KIF27: variants seen among roughly 807,000 people sequenced by gnomAD.
The protein encoded by KIF27 is kinesin-like protein KIF27.
In KIF27, 84 loss-of-function variants were observed where a neutral mutation model predicts 141.8. That is an observed-to-expected ratio of 0.59 (90% CI 0.50 to 0.71). The LOEUF (loss-of-function observed/expected upper bound fraction) is 0.71. Among genes scored for constraint, KIF27 ranks in the 30% least tolerant of loss-of-function variants. The probability of loss-of-function intolerance (pLI) is 0.00; values close to 1 mark genes in which losing one functional copy is unlikely to be tolerated. For synonymous variants in KIF27, 471 were observed against 569.5 expected (o/e 0.83, Z 2.46); for missense variants, 1,306 against 1,628.4 (o/e 0.80, Z 3.41).
chr9:83,835,743 G>C lies in KIF27; in HGVS notation c.*1258C>G, dbSNP rs1266171572. Reference sequence around the variant, plus strand: ...ACTACATCAGAAAAAAATGGATTCAGCAAGGAAGTGGGTGACTCTGAGTAA... The same window carrying C: ...ACTACATCAGAAAAAAATGGATTCACCAAGGAAGTGGGTGACTCTGAGTAA... On this transcript the variant is annotated 3_prime_UTR_variant, in exon 18 of 18. Transcript: ENST00000297814. 1 of 152,194 alleles carries C rather than the reference G, an allele frequency of 6.6e-6. No homozygotes were observed. The highest frequency in any genetic ancestry group is 1.5e-5 in the Non-Finnish European group (1 of 68,046). The allele number at this position is 152,194 out of a possible 1,614,324, so 9.4% of individuals were successfully genotyped here.
At chr9:83,868,259 T>C (rs1220962350) in intron 12 of KIF27, 1 of 155,972 alleles carries the variant, frequency 6.4e-6, no homozygotes, top group Non-Finnish European at 1.4e-5. Context: ...CCTTGATTGA[T>C]TGCAGGGGCT....
chr9:83,893,504 C>A (rs1238790791), intron 5 of KIF27, among the ~76,000 whole-genome samples: 1 of 151,616 alleles, frequency 6.6e-6, no homozygotes, highest in Non-Finnish European at 1.5e-5. Flanking sequence ...AAAATAAATC[C>A]CCCATGTCCT....
chr9:83,849,564 G>A (rs1252224576), intron 16 of KIF27: 4 of 154,360 alleles, frequency 2.6e-5, no homozygotes, highest in African/African-American at 9.7e-5. Flanking sequence ...TATCAGAGTT[G>A]GTGGTGAACT....
At chr9:83,843,648 C>T (rs949080999) in intron 16 of KIF27, among the ~76,000 whole-genome samples, 6 of 151,964 alleles carry the variant, frequency 3.9e-5, no homozygotes, top group Non-Finnish European at 7.4e-5. Context: ...ATTTTATGTC[C>T]GATATTCAGT....
At chr9:83,841,211 C>T (rs1027067446) in intron 17 of KIF27, among the ~76,000 whole-genome samples, 2 of 152,100 alleles carry the variant, frequency 1.3e-5, no homozygotes, top group African/African-American at 4.8e-5. Context: ...GCTGGGATTA[C>T]AGGCATGCAC....
At position 83,903,738 on chromosome 9, in the gene KIF27, C is replaced by T; in HGVS notation, c.780G>A (p.Arg260=). The change falls in exon 4 of 18, where the codon CGG becomes CGA. Residue 260 remains arginine (R), a synonymous_variant. Coordinates refer to ENST00000297814, the MANE Select transcript of KIF27 (RefSeq NM_017576.4). ...TATTGATTTGAATGGATTCTTTGAA[C>T]CGTTCACCAGTATTCCCCGTTTTGG... The part of the protein sequence containing the change: ...RVTKTGNTGE[R]FKESIQINSG... 6.2e-7 allele frequency: 1 copy of T among 1,614,206 alleles called. No individual in the cohort carries two copies.
chr9:83,904,082 T>C, intron 3 of KIF27, 64 bp from the exon 4 acceptor site: 1 of 1,282,840 alleles, frequency 7.8e-7, no homozygotes, highest in Non-Finnish European at 1.1e-6. Context: ...AGTTAACAGT[T>C]ACCATTTGCT....
chr9:83,862,329 A>G (rs1468963747), intron 13 of KIF27, among the ~76,000 whole-genome samples: 1 of 152,118 alleles, frequency 6.6e-6, no homozygotes, highest in Non-Finnish European at 1.5e-5. Flanking sequence ...TAAGTCTTTA[A>G]TCCATCTTGA....
At chr9:83,875,391 G>A (rs1951133311) in intron 11 of KIF27, among the ~76,000 whole-genome samples, 1 of 152,204 alleles carries the variant, frequency 6.6e-6, no homozygotes, top group Non-Finnish European at 1.5e-5. Flanking sequence ...AGAGCAGGGA[G>A]TGGGGAATCA....
At chr9:83,882,569 C>T (rs1356987415) in intron 10 of KIF27, among the ~76,000 whole-genome samples, 1 of 152,192 alleles carries the variant, frequency 6.6e-6, no homozygotes, top group Non-Finnish European at 1.5e-5. Flanking sequence ...TCCTCATCCT[C>T]CTTATCATCC....
intron 14 of KIF27, among the ~76,000 whole-genome samples, chr9:83,856,136 C>A (rs1949172868): frequency 6.6e-6 from 1 of 152,040 alleles, no homozygotes; most frequent in African/African-American, 2.4e-5. Flanking sequence ...TTAATGTGTA[C>A]CCAGGAGCTC....
chr9:83,904,607 G>T (rs1264827588), intron 3 of KIF27, among the ~76,000 whole-genome samples: 1 of 152,122 alleles, frequency 6.6e-6, no homozygotes, highest in South Asian at 2.1e-4. Context: ...CTGACCTCAG[G>T]TGATCCACCT....
At chr9:83,887,917 T>C (rs1952260972) in intron 8 of KIF27, among the ~76,000 whole-genome samples, 1 of 151,926 alleles carries the variant, frequency 6.6e-6, no homozygotes, top group Admixed American at 6.6e-5. Flanking sequence ...AGTGTAGCAC[T>C]TGTATTATCC....
intron 9 of KIF27, among the ~76,000 whole-genome samples, chr9:83,884,330 AG>A (rs2132257787): frequency 6.6e-6 from 1 of 152,174 alleles, no homozygotes; most frequent in Non-Finnish European, 1.5e-5. Context: ...AACTCAGTTA[AG>A]AAGGATATTT....
intron 11 of KIF27, among the ~76,000 whole-genome samples, chr9:83,872,193 G>T (rs561429840): frequency 6.6e-6 from 1 of 152,006 alleles, no homozygotes; most frequent in Non-Finnish European, 1.5e-5. Flanking sequence ...GCGTGTGCCT[G>T]TATTCCCAGC....
chr9:83,866,683 C>T lies in KIF27; in HGVS notation c.2934+1001G>A, dbSNP rs568125430. ...ACAAGGTCAGAAGTTCGAGACCAGT[C>T]TGACCAATATGGTGAAACCCAGTCT... On this transcript the variant is annotated intron_variant, in intron 13 of 17. Coordinates refer to ENST00000297814, the MANE Select transcript of KIF27 (RefSeq NM_017576.4). 6.6e-5 allele frequency among the ~76,000 whole-genome samples: 10 copies of T among 152,162 alleles called. 1 individual carries two copies. Among genetic ancestry groups the T allele is most frequent in the African/African-American group, 2.4e-4 (10 of 41,508 alleles).
chr9:83,916,825 G>C (rs1416543908), intron 1 of KIF27, among the ~76,000 whole-genome samples: 1 of 151,970 alleles, frequency 6.6e-6, no homozygotes, highest in Non-Finnish European at 1.5e-5. Flanking sequence ...CACTATGCCT[G>C]GCTAATTTTT....
chr9:83,876,710 T>C (rs1050482320), intron 11 of KIF27, among the ~76,000 whole-genome samples: 11 of 152,202 alleles, frequency 7.2e-5, no homozygotes, highest in Non-Finnish European at 1.6e-4. Flanking sequence ...AGCATGAGGA[T>C]AGACATATAG....
At position 83,887,209 on chromosome 9, in the gene KIF27, A is replaced by T. The variant is rs748917142; in HGVS notation, c.2084-13T>A. 1.4e-6 allele frequency: 2 copies of T among 1,458,698 alleles called. No homozygotes were observed. The highest frequency in any genetic ancestry group is 9.1e-7 in the Non-Finnish European group (1 of 1,096,264). The allele number at this position is 1,458,698 out of a possible 1,614,324, so 90.4% of individuals were successfully genotyped here. On this transcript the variant is annotated splice_polypyrimidine_tract_variant and intron_variant, in intron 8 of 17. Coordinates refer to ENST00000297814, the MANE Select transcript of KIF27 (RefSeq NM_017576.4). Reference sequence around the variant, plus strand: ...TCAATCTTTAAATCTTTAAAAAAAAATGGAGAAATAAAACTATCTGCTGGT... The same window carrying T: ...TCAATCTTTAAATCTTTAAAAAAAATTGGAGAAATAAAACTATCTGCTGGT...
Sources: gnomAD v4.1 joint callset for allele counts (sites outside exome capture counted in the v4.1 genomes callset) on GRCh38, gnomAD v4.1.1 for gene constraint, MANE v1.5 for transcripts, NCBI Gene and HGNC (gene_info 2026-07-23, HGNC 2026-07-21) for gene names.